NCOA2: variants seen among roughly 807,000 people sequenced by gnomAD.
NCOA2 encodes class E basic helix-loop-helix protein 75.
Under a neutral mutation model 145.1 loss-of-function variants are expected in NCOA2, and 21 were observed. The observed-to-expected ratio is 0.14, with a 90% confidence interval of 0.10 to 0.21. NCOA2 has a LOEUF of 0.21. NCOA2 is among the 10% of genes least tolerant of loss of function. The pLI is 1.00. For missense variants in NCOA2, 1,472 were observed against 1,837.6 expected (o/e 0.80, Z 3.64); for synonymous variants, 619 against 637.5 (o/e 0.97, Z 0.44).
chr8:70,239,387 C>T (rs1821928939), intron 2 of NCOA2, among the ~76,000 whole-genome samples: 1 of 152,134 alleles, frequency 6.6e-6, no homozygotes, highest in Admixed American at 6.6e-5. Flanking sequence ...TTAAATTGGT[C>T]TTCAAATTTT....
chr8:70,136,637 A>C (rs1809770056), intron 15 of NCOA2, among the ~76,000 whole-genome samples: 1 of 152,124 alleles, frequency 6.6e-6, no homozygotes, highest in South Asian at 2.1e-4. Flanking sequence ...TACAGATTTA[A>C]GGGCTAAACT....
chr8:70,203,581 A>T (rs947087113), intron 4 of NCOA2, among the ~76,000 whole-genome samples: 1 of 152,114 alleles, frequency 6.6e-6, no homozygotes, highest in South Asian at 2.1e-4. Context: ...CTCAACTGAA[A>T]AAAAAAAGAA....
the NCOA2 span, among the ~76,000 whole-genome samples, chr8:70,454,221 C>G: frequency 6.6e-6 from 1 of 152,092 alleles, no homozygotes; most frequent in South Asian, 2.1e-4. Flanking sequence ...ATATAATACT[C>G]TATATTTAGC....
the NCOA2 span, among the ~76,000 whole-genome samples, chr8:70,430,422 G>A: frequency 5.3e-5 from 8 of 152,108 alleles, no homozygotes; most frequent in Non-Finnish European, 1.0e-4. Flanking sequence ...GGGATAATTG[G>A]CACACAATAA....
intron 1 of NCOA2, among the ~76,000 whole-genome samples, chr8:70,346,619 A>T (rs1808672172): frequency 6.6e-6 from 1 of 152,212 alleles, no homozygotes; most frequent in African/African-American, 2.4e-5. Flanking sequence ...TCAATGAGGC[A>T]GCTTCTGAGT....
At chr8:70,407,785 ACT>A (rs1303003170), upstream of NCOA2, among the ~76,000 whole-genome samples, 2 of 152,038 alleles carry the variant, frequency 1.3e-5, no homozygotes, top group African/African-American at 2.4e-5. Flanking sequence ...ACAGAGCAAG[ACT>A]CTGTCTCCTA....
chr8:70,252,951 A>G (rs941400164), intron 2 of NCOA2, among the ~76,000 whole-genome samples: 1 of 152,252 alleles, frequency 6.6e-6, no homozygotes, highest in Non-Finnish European at 1.5e-5. Context: ...CTCTCACAGC[A>G]TATCACTGCT....
At chr8:70,351,510 A>G (rs1164080708) in intron 1 of NCOA2, among the ~76,000 whole-genome samples, 3 of 152,078 alleles carry the variant, frequency 2.0e-5, no homozygotes, top group Non-Finnish European at 2.9e-5. Context: ...ATGAATATCA[A>G]CCAATTTCAA....
Position 70,156,071 on chromosome 8 carries a change from T to C in NCOA2, c.2294A>G (p.Lys765Arg). 1 of 1,613,944 alleles carries C rather than the reference T, an allele frequency of 6.2e-7. No individual in the cohort carries two copies. The highest frequency in any genetic ancestry group is 8.5e-7 in the Non-Finnish European group (1 of 1,179,852). Residue 765 changes from lysine (K) to arginine (R), a missense_variant, in exon 11 of 23, where the codon AAA (lysine) becomes AGA (arginine). Physicochemically the swap from Lys to Arg is conservative, Grantham distance 26. This residue lies in a region of NCOA2 where 953 missense variants were observed against 1,062.1 expected (regional missense o/e 0.90). Transcript: ENST00000452400. ...KDIGLPEITP[K>R]LERLDSKTDP... ...TGTCTTACTGTCCAGTCTCTCAAGT[T>C]TGGGGGTTATTTCTGGTAAACCAAT...
the NCOA2 span, among the ~76,000 whole-genome samples, chr8:70,427,081 T>C: frequency 3.3e-5 from 5 of 152,204 alleles, no homozygotes; most frequent in Non-Finnish European, 5.9e-5. Context: ...ACAGTAATAC[T>C]AGTATATCTG....
At chr8:70,178,357 A>T (rs963540988) in intron 4 of NCOA2, among the ~76,000 whole-genome samples, 1 of 152,218 alleles carries the variant, frequency 6.6e-6, no homozygotes, top group Admixed American at 6.5e-5. Flanking sequence ...CCTGGATAAA[A>T]ATAATTATTA....
Position 70,159,638 on chromosome 8 carries a change from A to G in NCOA2, c.991T>C (p.Leu331=), listed in dbSNP as rs1812725136. 2.5e-6 allele frequency: 4 copies of G among 1,612,700 alleles called. No individual in the cohort carries two copies. In the Admixed American group the frequency reaches 5.0e-5, roughly 20 times the overall value. ...RHHHEVLRQG[L]AFSQIYRFSL... ...AAACGATAGATTTGACTGAATGCCA[A>G]TCCTTGTCTCAGTACTGCAGGCAAG... The change falls in exon 10 of 23, where the codon TTG becomes CTG. Residue 331 remains leucine (L), a synonymous_variant. Transcript: ENST00000452400.
chr8:70,431,573 G>A, the NCOA2 span, among the ~76,000 whole-genome samples: 1 of 152,174 alleles, frequency 6.6e-6, no homozygotes, highest in South Asian at 2.1e-4. Context: ...GTACTAAAAT[G>A]TTTTCTTGTG....
At chr8:70,363,816 T>C (rs192263303) in intron 1 of NCOA2, among the ~76,000 whole-genome samples, 13 of 152,270 alleles carry the variant, frequency 8.5e-5, no homozygotes, top group Admixed American at 6.5e-5. Flanking sequence ...CAGCCAAAAC[T>C]TGCAGAATTA....
chr8:70,376,047 T>C (rs888128874), intron 1 of NCOA2, among the ~76,000 whole-genome samples: 2 of 152,206 alleles, frequency 1.3e-5, no homozygotes, highest in Non-Finnish European at 2.9e-5. Flanking sequence ...TCAACTTTAG[T>C]AGTAAAATAC....
At chr8:70,129,272 C>G (rs1303641678) in intron 16 of NCOA2, among the ~76,000 whole-genome samples, 11 of 152,058 alleles carry the variant, frequency 7.2e-5, no homozygotes, top group Non-Finnish European at 1.6e-4. Flanking sequence ...TGCCTCCTAC[C>G]CACTCCACCA....
At chr8:70,362,688 TTA>T (rs1471609254) in intron 1 of NCOA2, among the ~76,000 whole-genome samples, 1 of 152,196 alleles carries the variant, frequency 6.6e-6, no homozygotes, top group Non-Finnish European at 1.5e-5. Flanking sequence ...ACTGAAAACC[TTA>T]TATACTGCTG....
At chr8:70,374,810 A>G (rs1371335250) in intron 1 of NCOA2, among the ~76,000 whole-genome samples, 1 of 151,740 alleles carries the variant, frequency 6.6e-6, no homozygotes, top group African/African-American at 2.4e-5. Flanking sequence ...AAAAAAAAAA[A>G]AGAAAGAAAA....
chr8:70,436,535 T>C, the NCOA2 span, among the ~76,000 whole-genome samples: 2 of 152,298 alleles, frequency 1.3e-5, no homozygotes, highest in African/African-American at 4.8e-5. Flanking sequence ...GTATGTCATA[T>C]CTCCTCCAGT....
Sources: gnomAD v4.1 joint callset for allele counts (sites outside exome capture counted in the v4.1 genomes callset) on GRCh38, gnomAD v4.1.1 for gene constraint, gnomAD v4.1.1 regional missense constraint, MANE v1.5 for transcripts, NCBI Gene and HGNC (gene_info 2026-07-23, HGNC 2026-07-21) for gene names.